The following ADGRA3 variants were observed in gnomAD, a reference collection of about 807,000 sequenced individuals.
ADGRA3 encodes G-protein coupled receptor 125.
Under a neutral mutation model 119.8 loss-of-function variants are expected in ADGRA3, and 56 were observed. That is an observed-to-expected ratio of 0.47 (90% CI 0.38 to 0.58). The LOEUF (loss-of-function observed/expected upper bound fraction) is 0.58. Among genes scored for constraint, ADGRA3 ranks in the 20% least tolerant of loss-of-function variants. The pLI is 0.00. For synonymous variants in ADGRA3, 607 were observed against 623.8 expected, an observed-to-expected ratio of 0.97 and a Z score of 0.40; for missense variants, 1,516 against 1,649.0, an observed-to-expected ratio of 0.92 and a Z score of 1.40.
chr4:22,465,221 A>C (rs1717612583), intron 2 of ADGRA3, among the ~76,000 whole-genome samples: 1 of 152,154 alleles, frequency 6.6e-6, no homozygotes, highest in South Asian at 2.1e-4. Context: ...AGCCTTCTCC[A>C]TTGCTTTAAG....
chr4:22,440,088 T>C (rs1369606677), intron 7 of ADGRA3, among the ~76,000 whole-genome samples: 1 of 152,192 alleles, frequency 6.6e-6, no homozygotes, highest in South Asian at 2.1e-4. Context: ...ATGATGCTCA[T>C]TTCTTGTTCT....
intron 16 of ADGRA3, among the ~76,000 whole-genome samples, chr4:22,399,848 T>G (rs1179668105): frequency 6.6e-6 from 1 of 152,202 alleles, no homozygotes; most frequent in Non-Finnish European, 1.5e-5. Flanking sequence ...CTTATTGAGT[T>G]TCATAAAAAA....
At chr4:22,410,794 T>C (rs1157124811) in intron 14 of ADGRA3, among the ~76,000 whole-genome samples, 3 of 152,180 alleles carry the variant, frequency 2.0e-5, no homozygotes, top group African/African-American at 7.2e-5. Flanking sequence ...TAACTTTAAT[T>C]TTGTCAACAA....
chr4:22,428,322 A>G (rs1413858772), intron 10 of ADGRA3, among the ~76,000 whole-genome samples: 1 of 147,868 alleles, frequency 6.8e-6, no homozygotes, highest in African/African-American at 2.5e-5. Flanking sequence ...ACAAGTGCTC[A>G]GAACATCTCA....
chr4:22,503,813 C>A (rs369474481), intron 1 of ADGRA3, among the ~76,000 whole-genome samples: 2 of 152,144 alleles, frequency 1.3e-5, no homozygotes, highest in East Asian at 3.9e-4. Context: ...GGGGAGAGGG[C>A]AGAGAATGGT....
At chr4:22,390,953 A>G (rs1714109478) in intron 17 of ADGRA3, among the ~76,000 whole-genome samples, 1 of 152,078 alleles carries the variant, frequency 6.6e-6, no homozygotes, top group Admixed American at 6.5e-5. Context: ...TCATCCTACA[A>G]CATAACTCTG....
chr4:22,515,474 A>G (rs1027450173), intron 1 of ADGRA3, 54 bp downstream of exon 1: 305 of 1,572,154 alleles, frequency 1.9e-4, no homozygotes, highest in Middle Eastern at 6.8e-4. Flanking sequence ...AGTTGAGCGG[A>G]GAGATAAGAA....
At chr4:22,473,063 C>T (rs1187585797) in intron 2 of ADGRA3, 1 of 152,096 alleles carries the variant, frequency 6.6e-6, no homozygotes, top group Non-Finnish European at 1.5e-5. Flanking sequence ...CATTTAAAGA[C>T]ATCTGAATAA....
intron 10 of ADGRA3, among the ~76,000 whole-genome samples, chr4:22,432,808 T>A (rs376864142): frequency 3.9e-5 from 6 of 152,342 alleles, no homozygotes; most frequent in African/African-American, 1.4e-4. Context: ...AAGTGCCAGC[T>A]TGTGTTGGCC....
chr4:22,447,622 C>T (rs1277620568), intron 4 of ADGRA3, 111 bp from the exon 5 acceptor site: 4 of 603,782 alleles, frequency 6.6e-6, no homozygotes, highest in East Asian at 3.1e-5. Flanking sequence ...GTAAAGAACT[C>T]ATGAAAGTTT....
intron 17 of ADGRA3, 129 bp from the exon 18 acceptor site, chr4:22,389,312 G>A (rs1714009226): frequency 1.5e-6 from 1 of 686,504 alleles, no homozygotes; most frequent in East Asian, 2.6e-5. Context: ...ATAATAAGCT[G>A]AGAGTTAAGT....
rs2109041185 is a variant in ADGRA3, at chr4:22,424,206, A to G, written c.1590T>C (p.Ala530=). The G allele has an allele frequency of 3.7e-6, 6 of 1,610,870 alleles. No individual in the cohort carries two copies. The highest frequency in any genetic ancestry group is 3.4e-6 in the Non-Finnish European group (4 of 1,178,608). ...TTACACTTACTGTTGAATAAACGTG[A>G]GCTCCACCGGCTAGCCGGTAGGTAG... is the stretch of plus-strand genomic sequence containing the variant. ...RIATYRLAGG[A]HVYSTYSPNI... Residue 530 remains alanine, a synonymous_variant, in exon 11 of 19, where the codon GCT becomes GCC. Coordinates refer to ENST00000334304, the MANE Select transcript of ADGRA3 (RefSeq NM_145290.4).
chr4:22,453,063 G>A (rs557039839), intron 4 of ADGRA3, among the ~76,000 whole-genome samples: 10 of 151,850 alleles, frequency 6.6e-5, no homozygotes, highest in East Asian at 5.8e-4. Flanking sequence ...TTAGCCGGGC[G>A]TGGTGGCGGG....
rs1560317043 is a variant in ADGRA3 at position 22,438,426 on chromosome 4, T to C, written c.921-6A>G. 3 of 1,606,966 alleles carry C rather than the reference T, an allele frequency of 1.9e-6. No individual in the cohort carries two copies. Among genetic ancestry groups the C allele is most frequent in the Admixed American group, 1.7e-5 (1 of 58,664 alleles). Reference sequence around the variant, plus strand: ...TATTAGAAATGGTTAGGGCACTGCATAAAGAAAGATTTTAAAAAGAGAGAA... The same window carrying C: ...TATTAGAAATGGTTAGGGCACTGCACAAAGAAAGATTTTAAAAAGAGAGAA... On this transcript the variant is annotated splice_region_variant and splice_polypyrimidine_tract_variant and intron_variant, in intron 7 of 18. Transcript: ENST00000334304.
chr4:22,393,488 T>TA (rs1466531520), intron 16 of ADGRA3: 3 of 152,282 alleles, frequency 2.0e-5, no homozygotes. Flanking sequence ...AGCAATATAA[T>TA]AATATATTGA....
intron 8 of ADGRA3, among the ~76,000 whole-genome samples, chr4:22,437,516 C>T (rs1716443045): frequency 1.3e-5 from 2 of 152,218 alleles, no homozygotes; most frequent in South Asian, 4.1e-4. Context: ...CAACTATAAA[C>T]TCATTTTTTA....
At chr4:22,465,354 T>C (rs1717616148) in intron 2 of ADGRA3, among the ~76,000 whole-genome samples, 1 of 152,130 alleles carries the variant, frequency 6.6e-6, no homozygotes, top group Admixed American at 6.5e-5. Context: ...GTCTTAGCAA[T>C]TATACGACTT....
chr4:22,390,453 G>A (rs1030900806), intron 17 of ADGRA3, among the ~76,000 whole-genome samples: 2 of 118,052 alleles, frequency 1.7e-5, no homozygotes, highest in African/African-American at 3.3e-5. Flanking sequence ...TATAAAATAC[G>A]TATTATATAT....
intron 1 of ADGRA3, among the ~76,000 whole-genome samples, chr4:22,493,873 C>T (rs1296812957): frequency 6.6e-6 from 1 of 152,082 alleles, no homozygotes; most frequent in Non-Finnish European, 1.5e-5. Context: ...AGTAAAAAAG[C>T]CAGCCAAAAT....
Sources: gnomAD v4.1 joint callset for allele counts (sites outside exome capture counted in the v4.1 genomes callset) on GRCh38, gnomAD v4.1.1 for gene constraint, MANE v1.5 for transcripts, NCBI Gene and HGNC (gene_info 2026-07-23, HGNC 2026-07-21) for gene names.